THSD4: variants seen among roughly 807,000 people sequenced by gnomAD.
The protein encoded by THSD4 is thrombospondin type 1 domain containing 4.
A neutral mutation model predicts 119.0 loss-of-function variants in THSD4; 69 were observed. The observed-to-expected ratio is 0.58, with a 90% confidence interval of 0.48 to 0.71. THSD4 has a LOEUF of 0.71. Among genes scored for constraint, THSD4 ranks in the 30% least tolerant of loss-of-function variants. The pLI, the probability that THSD4 is intolerant of heterozygous loss-of-function variation, is 0.00. For missense variants in THSD4, 1,393 were observed against 1,391.1 expected (o/e 1.00, Z -0.02); for synonymous variants, 524 against 540.4 (o/e 0.97, Z 0.42).
intron 6 of THSD4, among the ~76,000 whole-genome samples, chr15:71,313,878 G>T (rs1213374095): frequency 1.3e-5 from 2 of 152,118 alleles, no homozygotes; most frequent in East Asian, 3.9e-4. Flanking sequence ...TAGAATGAGG[G>T]CTTAGGTAGT....
At chr15:71,195,795 C>T (rs946836692) in intron 3 of THSD4, among the ~76,000 whole-genome samples, 13 of 152,080 alleles carry the variant, frequency 8.5e-5, no homozygotes, top group African/African-American at 3.1e-4. Context: ...CATAATAATA[C>T]TGGTGATAGC....
intron 7 of THSD4, among the ~76,000 whole-genome samples, chr15:71,416,746 GTTTTATTTTATTTTATTTTA>G (rs370499335): frequency 0.022 from 365 of 16,544 alleles, 112 homozygotes; most frequent in Non-Finnish European, 0.16. Flanking sequence ...GTTTTGTTTT[GTTTTATTTTATTTTATTTTA>G]TTTTATTTTC....
chr15:71,480,537 T>C (rs1171410206), intron 7 of THSD4, among the ~76,000 whole-genome samples: 1 of 152,188 alleles, frequency 6.6e-6, no homozygotes, highest in Non-Finnish European at 1.5e-5. Context: ...CAGATAGAAA[T>C]AAGCACTTCC....
At chr15:71,285,288 A>G (rs1464857391) in intron 6 of THSD4, among the ~76,000 whole-genome samples, 2 of 152,176 alleles carry the variant, frequency 1.3e-5, no homozygotes, top group Non-Finnish European at 2.9e-5. Flanking sequence ...CTCCCAGCCA[A>G]CTGGAAGGTC....
At chr15:71,773,035 C>CA (rs1322452745) in intron 17 of THSD4, among the ~76,000 whole-genome samples, 22 of 151,418 alleles carry the variant, frequency 1.5e-4, no homozygotes, top group African/African-American at 4.9e-4. Flanking sequence ...CCCATCTTGG[C>CA]AAAAAACGCT....
At chr15:71,284,888 C>T (rs936443548) in intron 6 of THSD4, among the ~76,000 whole-genome samples, 1 of 151,996 alleles carries the variant, frequency 6.6e-6, no homozygotes, top group Non-Finnish European at 1.5e-5. Flanking sequence ...CCAGTCCTTC[C>T]CCCTCCCCAT....
intron 6 of THSD4, among the ~76,000 whole-genome samples, chr15:71,341,883 C>T (rs2045583140): frequency 1.3e-5 from 2 of 152,038 alleles, no homozygotes; most frequent in South Asian, 4.1e-4. Flanking sequence ...GACCTTAATG[C>T]TCTAACGATT....
At position 71,318,355 on chromosome 15, in the gene THSD4, C is replaced by T. The variant is rs534603787; in HGVS notation, c.1015+61640C>T. 2.0e-5 allele frequency among the ~76,000 whole-genome samples: 3 copies of T among 152,116 alleles called. No homozygotes were observed. The South Asian group carries it at 6.2e-4, about 32-fold the overall frequency. ...CAGAGAGCCAGGGAATGGCACTAGG[C>T]ATAGGATGGAGCATGGTTTGAAGTG... is the stretch of plus-strand genomic sequence containing the variant. On this transcript the variant is annotated intron_variant, in intron 6 of 17. Coordinates refer to ENST00000261862, the MANE Select transcript of THSD4 (RefSeq NM_024817.3).
intron 7 of THSD4, among the ~76,000 whole-genome samples, chr15:71,472,118 T>C (rs1369076838): frequency 6.6e-6 from 1 of 152,098 alleles, no homozygotes; most frequent in Non-Finnish European, 1.5e-5. Flanking sequence ...GGCCTCCCTA[T>C]GTTTCCCAGG....
At chr15:71,513,682 G>A (rs538313601) in intron 7 of THSD4, among the ~76,000 whole-genome samples, 58 of 152,286 alleles carry the variant, frequency 3.8e-4, no homozygotes, top group African/African-American at 1.3e-3. Flanking sequence ...AAATTGCTGG[G>A]TATTTACTCA....
At chr15:71,635,982 TG>T (rs1431486804) in intron 7 of THSD4, among the ~76,000 whole-genome samples, 1 of 152,232 alleles carries the variant, frequency 6.6e-6, no homozygotes. Context: ...CAGTGAAGTC[TG>T]TCTGCCATGA....
At chr15:71,450,494 T>G (rs1384754501) in intron 7 of THSD4, among the ~76,000 whole-genome samples, 2 of 152,228 alleles carry the variant, frequency 1.3e-5, no homozygotes, top group Non-Finnish European at 2.9e-5. Context: ...ACAAGTTGTG[T>G]GCTCATTCAC....
intron 6 of THSD4, among the ~76,000 whole-genome samples, chr15:71,288,898 G>A (rs996835820): frequency 6.6e-6 from 1 of 152,120 alleles, no homozygotes; most frequent in Non-Finnish European, 1.5e-5. Context: ...GGGGATTTCT[G>A]CAGAAGGAAA....
chr15:71,395,534 G>T (rs1247160467), intron 6 of THSD4, among the ~76,000 whole-genome samples: 1 of 152,136 alleles, frequency 6.6e-6, no homozygotes, highest in Non-Finnish European at 1.5e-5. Flanking sequence ...TTGAACTCAG[G>T]AGTTCGAGAC....
chr15:71,272,436 G>A (rs923252014), intron 6 of THSD4, among the ~76,000 whole-genome samples: 2 of 150,732 alleles, frequency 1.3e-5, no homozygotes, highest in African/African-American at 4.9e-5. Context: ...AAGAAGTGGG[G>A]AGGGAGGGGC....
chr15:71,417,009 T>G (rs2046767851), intron 7 of THSD4, among the ~76,000 whole-genome samples: 1 of 108,488 alleles, frequency 9.2e-6, no homozygotes, highest in South Asian at 2.9e-4. Context: ...TCCGCCTGCC[T>G]CAGCCTCCCA....
At chr15:71,269,070 T>C (rs1222958126) in intron 6 of THSD4, among the ~76,000 whole-genome samples, 1 of 150,924 alleles carries the variant, frequency 6.6e-6, no homozygotes, top group Non-Finnish European at 1.5e-5. Flanking sequence ...CTGAAACTAT[T>C]CCAAACTACT....
rs201594273 is a variant in THSD4 at position 71,565,641 on chromosome 15, C to T, written c.1153-94889C>T. On this transcript the variant is annotated intron_variant, in intron 7 of 17. Transcript: ENST00000261862. ...ATGTGTTAGAAGTGATGGTAGAGACCTTATCCCTCTGATTTCTGCTCCAGG... is the reference window on the plus strand; with the variant it reads ...ATGTGTTAGAAGTGATGGTAGAGACTTTATCCCTCTGATTTCTGCTCCAGG... 2.0e-5 allele frequency among the ~76,000 whole-genome samples: 3 copies of T among 152,110 alleles called. No homozygotes were observed. In the East Asian group the frequency reaches 5.8e-4, roughly 29 times the overall value.
intron 4 of THSD4, among the ~76,000 whole-genome samples, chr15:71,229,202 A>G (rs536758659): frequency 3.3e-5 from 5 of 152,312 alleles, no homozygotes; most frequent in African/African-American, 1.2e-4. Context: ...AATGTCTTTT[A>G]GACTCAGTTT....
Sources: gnomAD v4.1 joint callset for allele counts (sites outside exome capture counted in the v4.1 genomes callset) on GRCh38, gnomAD v4.1.1 for gene constraint, MANE v1.5 for transcripts, NCBI Gene and HGNC (gene_info 2026-07-23, HGNC 2026-07-21) for gene names.